The following PTPRG variants were observed in gnomAD, a reference collection of about 807,000 sequenced individuals.
PTPRG encodes receptor-type tyrosine-protein phosphatase gamma.
In PTPRG, 102 loss-of-function variants were observed where a neutral mutation model predicts 165.3. The ratio of observed to expected loss-of-function variants is 0.62; its 90% confidence interval spans 0.53 to 0.73. The LOEUF is 0.73. PTPRG is among the 30% of genes least tolerant of loss of function. PTPRG has a pLI of 0.00. For synonymous variants in PTPRG, 675 were observed against 669.5 expected, an observed-to-expected ratio of 1.01 and a Z score of -0.13; for missense variants, 1,866 against 1,861.4, an observed-to-expected ratio of 1.00 and a Z score of -0.05.
At chr3:61,742,219 T>G (rs1328825252) in intron 1 of PTPRG, among the ~76,000 whole-genome samples, 1 of 152,140 alleles carries the variant, frequency 6.6e-6, no homozygotes, top group Non-Finnish European at 1.5e-5. Context: ...GAAGACACAG[T>G]TAAGGCAGAT....
intron 1 of PTPRG, among the ~76,000 whole-genome samples, chr3:61,562,781 G>T (rs764392140): frequency 6.6e-6 from 1 of 152,188 alleles, no homozygotes; most frequent in Admixed American, 6.5e-5. Flanking sequence ...CCCGGGATGA[G>T]CCCCCTCGCT....
At chr3:62,137,932 T>C (rs1037884580) in intron 6 of PTPRG, among the ~76,000 whole-genome samples, 1 of 152,244 alleles carries the variant, frequency 6.6e-6, no homozygotes, top group Non-Finnish European at 1.5e-5. Flanking sequence ...TACTGTAGAA[T>C]GGTTATCGCT....
Position 62,293,379 on chromosome 3 carries a change from A to C in PTPRG, c.*72A>C. 7.4e-7 allele frequency: 1 copy of C among 1,344,566 alleles called. No homozygotes were observed. Among genetic ancestry groups the C allele is most frequent in the East Asian group, 2.5e-5 (1 of 40,330 alleles). The allele number at this position is 1,344,566 out of a possible 1,614,324, so 83.3% of individuals were successfully genotyped here. On this transcript the variant is annotated 3_prime_UTR_variant, in exon 30 of 30. Transcript: ENST00000474889. ...GAACTTTTTTGAGGCCTTTTTTGCCAGACTCTAGGTTATACAATAACCCAG... is the reference window on the plus strand; with the variant it reads ...GAACTTTTTTGAGGCCTTTTTTGCCCGACTCTAGGTTATACAATAACCCAG...
chr3:62,241,796 C>T (rs1281422249), intron 14 of PTPRG, among the ~76,000 whole-genome samples: 1 of 152,020 alleles, frequency 6.6e-6, no homozygotes, highest in Non-Finnish European at 1.5e-5. Flanking sequence ...TTCTTGCATG[C>T]ATTTGTTTTT....
chr3:62,283,352 A>G (rs1054713669), intron 28 of PTPRG, among the ~76,000 whole-genome samples: 3 of 152,142 alleles, frequency 2.0e-5, no homozygotes, highest in African/African-American at 7.2e-5. Context: ...AGTCTTCAGT[A>G]CTGTCTTTTG....
chr3:61,823,395 G>T (rs2036012041), intron 2 of PTPRG, among the ~76,000 whole-genome samples: 2 of 152,092 alleles, frequency 1.3e-5, no homozygotes, highest in African/African-American at 2.4e-5. Context: ...TCACCATGTT[G>T]AGCAGGATGG....
At chr3:61,662,684 A>T (rs1267103462) in intron 1 of PTPRG, among the ~76,000 whole-genome samples, 1 of 152,204 alleles carries the variant, frequency 6.6e-6, no homozygotes, top group Non-Finnish European at 1.5e-5. Flanking sequence ...GGTCCTTGGC[A>T]TGCCCTTGGA....
chr3:61,651,078 C>T (rs1559540584), intron 1 of PTPRG, among the ~76,000 whole-genome samples: 5 of 150,722 alleles, frequency 3.3e-5, no homozygotes. Context: ...ATTGCCTACA[C>T]TTCTAGAACC....
intron 1 of PTPRG, among the ~76,000 whole-genome samples, chr3:61,729,104 T>C (rs1197168186): frequency 6.6e-6 from 1 of 151,816 alleles, no homozygotes; most frequent in African/African-American, 2.4e-5. Context: ...CCAGGGAGGC[T>C]CCCTGTAAGT....
chr3:61,912,828 G>T (rs1466614382), intron 2 of PTPRG, among the ~76,000 whole-genome samples: 1 of 152,154 alleles, frequency 6.6e-6, no homozygotes, highest in African/African-American at 2.4e-5. Flanking sequence ...TTACTGGCAG[G>T]AAACAGACTC....
At chr3:62,106,544 A>G (rs1349316630) in intron 5 of PTPRG, among the ~76,000 whole-genome samples, 1 of 132,614 alleles carries the variant, frequency 7.5e-6, no homozygotes. Flanking sequence ...TCTGTTGCCC[A>G]GGCTGGGGTG....
Position 62,083,576 on chromosome 3 carries a change from G to A in PTPRG, c.615+5318G>A, listed in dbSNP as rs1701651158. Among the ~76,000 whole-genome samples the A allele has an allele frequency of 2.0e-5, 3 of 152,320 alleles. No homozygotes were observed. The South Asian group carries it at 6.2e-4, about 32-fold the overall frequency. ...CAGTGGAATAATTAGGCAATTTGTG[G>A]AAGGATACTTTGCTTTTAAAAACTG... is the stretch of plus-strand genomic sequence containing the variant. On this transcript the variant is annotated intron_variant, in intron 5 of 29. Coordinates refer to ENST00000474889, the MANE Select transcript of PTPRG (RefSeq NM_002841.4).
intron 4 of PTPRG, among the ~76,000 whole-genome samples, chr3:62,040,903 G>C (rs7635893): frequency 0.43 from 65,695 of 151,950 alleles, 14,374 homozygotes; most frequent in African/African-American, 0.49. Flanking sequence ...TGCCATCTTT[G>C]GGTGACTGAC....
intron 2 of PTPRG, among the ~76,000 whole-genome samples, chr3:61,892,215 C>T (rs550917882): frequency 1.3e-5 from 2 of 152,246 alleles, no homozygotes; most frequent in South Asian, 4.1e-4. Context: ...GTTTCCAGCC[C>T]ATACCACGTG....
At chr3:61,697,446 A>C (rs369509046) in intron 1 of PTPRG, among the ~76,000 whole-genome samples, 1 of 152,194 alleles carries the variant, frequency 6.6e-6, no homozygotes, top group African/African-American at 2.4e-5. Flanking sequence ...AATAAATGCA[A>C]TGGTCTTAGA....
chr3:62,134,512 G>A (rs1212437206), intron 6 of PTPRG, among the ~76,000 whole-genome samples: 1 of 152,174 alleles, frequency 6.6e-6, no homozygotes, highest in Non-Finnish European at 1.5e-5. Flanking sequence ...CTTGTGCCAA[G>A]GGTGTCTCCT....
chr3:62,138,561 A>G (rs982745116), intron 6 of PTPRG, among the ~76,000 whole-genome samples: 3 of 152,078 alleles, frequency 2.0e-5, no homozygotes, highest in African/African-American at 7.2e-5. Flanking sequence ...TCTACTAAAA[A>G]TACAACAATT....
At position 62,293,318 on chromosome 3, in the gene PTPRG, G is replaced by C. The variant is rs778215512; in HGVS notation, c.*11G>C. 1.1e-5 allele frequency: 17 copies of C among 1,539,756 alleles called. No homozygotes were observed. The South Asian group carries it at 2.1e-4, about 19-fold the overall frequency. ...GAGTCCCTAGTGTGACTGGAATCCT[G>C]AAAGGGCACTTAATTTGTAAACTTC... On this transcript the variant is annotated 3_prime_UTR_variant, in exon 30 of 30. Coordinates refer to ENST00000474889, the MANE Select transcript of PTPRG (RefSeq NM_002841.4).
intron 2 of PTPRG, among the ~76,000 whole-genome samples, chr3:61,906,808 TA>T (rs2038668438): frequency 6.6e-6 from 1 of 151,602 alleles, no homozygotes; most frequent in South Asian, 2.1e-4. Context: ...GGTAGGTAGG[TA>T]GGTAGGTAGG....
Sources: gnomAD v4.1 joint callset for allele counts (sites outside exome capture counted in the v4.1 genomes callset) on GRCh38, gnomAD v4.1.1 for gene constraint, MANE v1.5 for transcripts, NCBI Gene and HGNC (gene_info 2026-07-23, HGNC 2026-07-21) for gene names.